Variants in MMD observed in about 807,000 individuals in gnomAD.
MMD encodes monocyte to macrophage differentiation associated, also known as monocyte to macrophage differentiation factor.
A neutral mutation model predicts 33.6 loss-of-function variants in MMD; 22 were observed. The observed-to-expected ratio is 0.66, with a 90% CI of 0.47 to 0.94. MMD has a LOEUF of 0.94. Among genes scored for constraint, MMD ranks in the 40% least tolerant of loss-of-function variants. MMD has a pLI of 0.00. For synonymous variants in MMD, 97 were observed against 103.2 expected (o/e 0.94, Z 0.36); for missense variants, 242 against 309.8 (o/e 0.78, Z 1.64).
At chr17:55,396,500 A>G (rs925479595) in intron 6 of MMD, among the ~76,000 whole-genome samples, 1 of 151,900 alleles carries the variant, frequency 6.6e-6, no homozygotes, top group African/African-American at 2.4e-5. Flanking sequence ...CCGTTTTCCA[A>G]TTTTCCCACC....
chr17:55,403,838 T>C lies in MMD; in HGVS notation c.375A>G (p.Ala125=). Residue 125 remains alanine (A), a synonymous_variant, in exon 5 of 7, where the codon GCA becomes GCG. Coordinates refer to ENST00000262065, the MANE Select transcript of MMD (RefSeq NM_012329.3). ...GCCAGATAAACCAACGCATATGAGA[T>C]GCCAGGGGTCCAAGTTCACGAAGAT... ...WLNLRELGPL[A]SHMRWFIWLM... 2 of 1,613,614 alleles carry C rather than the reference T, an allele frequency of 1.2e-6. No homozygotes were observed. Among genetic ancestry groups the C allele is most frequent in the Non-Finnish European group, 8.5e-7 (1 of 1,179,804 alleles).
At chr17:55,416,554 C>T (rs1907974911) in intron 1 of MMD, among the ~76,000 whole-genome samples, 1 of 152,140 alleles carries the variant, frequency 6.6e-6, no homozygotes, top group Non-Finnish European at 1.5e-5. Flanking sequence ...CATAATTGTT[C>T]TGCTGGGAAA....
intron 2 of MMD, among the ~76,000 whole-genome samples, chr17:55,411,983 G>A (rs1907783948): frequency 6.6e-6 from 1 of 152,116 alleles, no homozygotes; most frequent in African/African-American, 2.4e-5. Flanking sequence ...AGGCTGAGGT[G>A]GGAAGACTGC....
chr17:55,394,682 A>T, intron 6 of MMD, 148 bp from the exon 7 acceptor site: 1 of 709,392 alleles, frequency 1.4e-6, no homozygotes, highest in Non-Finnish European at 2.0e-6. Context: ...CATGAACCAA[A>T]CATAAAAAAA....
intron 3 of MMD, among the ~76,000 whole-genome samples, chr17:55,410,483 C>A (rs1907718694): frequency 1.3e-5 from 2 of 152,136 alleles, no homozygotes; most frequent in Non-Finnish European, 1.5e-5. Context: ...CCATTCCCAC[C>A]TAAATGGTGT....
intron 6 of MMD, among the ~76,000 whole-genome samples, chr17:55,398,111 CAAAAAAA>C (rs57881926): frequency 2.4e-4 from 32 of 132,130 alleles, no homozygotes; most frequent in Non-Finnish European, 3.7e-4. Flanking sequence ...ATTATTTCTT[CAAAAAAA>C]AAAAAAAAAA....
At chr17:55,408,383 A>G (rs1299524754) in intron 3 of MMD, among the ~76,000 whole-genome samples, 1 of 150,332 alleles carries the variant, frequency 6.7e-6, no homozygotes, top group Non-Finnish European at 1.5e-5. Flanking sequence ...AAACAGTAAC[A>G]AAAACAAAAA....
intron 1 of MMD, chr17:55,420,387 C>T (rs190857935): frequency 6.6e-6 from 1 of 152,296 alleles, no homozygotes; most frequent in African/African-American, 2.4e-5. Context: ...TGAAGTTCCA[C>T]TGGGGGAACA....
chr17:55,407,814 C>T lies in MMD; in HGVS notation c.276G>A (p.Val92=). 6.3e-7 allele frequency: 1 copy of T among 1,588,672 alleles called. No individual in the cohort carries two copies. Among genetic ancestry groups the T allele is most frequent in the Non-Finnish European group, 8.5e-7 (1 of 1,172,578 alleles). ...VSWKKSHLRT[V]EHCFHMCDRM... ...TATCACACATGTGAAAACAATGCTC[C>T]ACTGTCCTAGCGAGGGGGAAAAAAA... Residue 92 remains valine, a synonymous_variant, in exon 4 of 7, where the codon GTG becomes GTA. Coordinates refer to ENST00000262065, the MANE Select transcript of MMD (RefSeq NM_012329.3).
At chr17:55,394,583 G>T in intron 6 of MMD, 49 bp from the exon 7 acceptor site, 1 of 1,333,082 alleles carries the variant, frequency 7.5e-7, no homozygotes. Context: ...TACTCTGCAT[G>T]GCAAGCTACA....
intron 3 of MMD, among the ~76,000 whole-genome samples, chr17:55,409,153 T>C (rs1907667371): frequency 6.6e-6 from 1 of 152,210 alleles, no homozygotes; most frequent in Non-Finnish European, 1.5e-5. Context: ...AGCATACCCA[T>C]AGATGATACT....
intron 2 of MMD, among the ~76,000 whole-genome samples, chr17:55,411,931 G>A (rs1012398958): frequency 2.6e-5 from 4 of 152,018 alleles, no homozygotes; most frequent in South Asian, 2.1e-4. Context: ...TAAAAAATTC[G>A]CCAGGCATGG....
chr17:55,397,387 C>T lies in MMD; in HGVS notation c.517-2853G>A, dbSNP rs576622966. 6.6e-5 allele frequency among the ~76,000 whole-genome samples: 10 copies of T among 152,272 alleles called. No homozygotes were observed. In the East Asian group the frequency reaches 1.9e-3, roughly 29 times the overall value. On this transcript the variant is annotated intron_variant, in intron 6 of 6. Coordinates refer to ENST00000262065, the MANE Select transcript of MMD (RefSeq NM_012329.3). Reference sequence around the variant, plus strand: ...TGTCGGCTAGGCTGGTCTCGAACTCCTGACCTCAAGTGATCTGCCTGCCTT... The same window carrying T: ...TGTCGGCTAGGCTGGTCTCGAACTCTTGACCTCAAGTGATCTGCCTGCCTT...
At chr17:55,398,666 C>T (rs578178876) in intron 6 of MMD, among the ~76,000 whole-genome samples, 5 of 152,024 alleles carry the variant, frequency 3.3e-5, no homozygotes, top group South Asian at 4.2e-4. Context: ...TTCTGTTAGG[C>T]GGTTTATTTA....
At position 55,421,774 on chromosome 17, in the gene MMD, TG is replaced by T; in HGVS notation, c.-80del. On this transcript the variant is annotated 5_prime_UTR_variant, in exon 1 of 7. Transcript: ENST00000262065. ...GCCGGGCGCGCGGCCCTCATGGGCT[TG>T]GGCTGCTCCGGAGGCCGCCTGCGTG... 1 of 1,480,150 alleles carries T rather than the reference TG, an allele frequency of 6.8e-7. No individual in the cohort carries two copies. Among genetic ancestry groups the T allele is most frequent in the Non-Finnish European group, 9.0e-7 (1 of 1,113,072 alleles). The allele number at this position is 1,480,150 out of a possible 1,614,324, so 91.7% of individuals were successfully genotyped here.
Position 55,411,253 on chromosome 17 carries a change from G to A in MMD, c.269+4C>T, listed in dbSNP as rs1170644365. 2 of 1,611,492 alleles carry A rather than the reference G, an allele frequency of 1.2e-6. No homozygotes were observed. The highest frequency in any genetic ancestry group is 1.7e-6 in the Non-Finnish European group (2 of 1,178,914). ...CTGTTGAAACAGCATGTCATCCACT[G>A]TACCTTAAGTGGCTCTTTTTCCATG... On this transcript the variant is annotated splice_donor_region_variant and intron_variant, in intron 3 of 6. Coordinates refer to ENST00000262065, the MANE Select transcript of MMD (RefSeq NM_012329.3).
At position 55,393,311 on chromosome 17, in the gene MMD, T is replaced by G. The variant is rs1301105857; in HGVS notation, c.*1023A>C. ...CAAAGGAAAGGCAGAAATGTGAATTTATGCATCTAGTTCCACAATTTAAAA... is the reference window on the plus strand; with the variant it reads ...CAAAGGAAAGGCAGAAATGTGAATTGATGCATCTAGTTCCACAATTTAAAA... On this transcript the variant is annotated 3_prime_UTR_variant, in exon 7 of 7. Transcript: ENST00000262065. 6.6e-6 allele frequency: 1 copy of G among 150,760 alleles called. No individual in the cohort carries two copies. The highest frequency in any genetic ancestry group is 1.5e-5 in the Non-Finnish European group (1 of 67,850). The allele number at this position is 150,760 out of a possible 1,614,324, so 9.3% of individuals were successfully genotyped here. A position where few individuals can be genotyped will look rare whatever the true frequency, so the allele number is the denominator to read the frequency against.
intron 6 of MMD, among the ~76,000 whole-genome samples, chr17:55,395,493 T>G (rs567038086): frequency 6.6e-6 from 1 of 151,768 alleles, no homozygotes; most frequent in South Asian, 2.1e-4. Context: ...CCCGCAAGAG[T>G]AAAGGGAAGC....
At chr17:55,402,135 C>CG (rs925271049) in intron 5 of MMD, among the ~76,000 whole-genome samples, 1 of 151,288 alleles carries the variant, frequency 6.6e-6, no homozygotes, top group African/African-American at 2.4e-5. Flanking sequence ...ATGTTTTCTG[C>CG]CAAAAGTAGT....
Sources: allele counts gnomAD v4.1 joint callset (sites outside exome capture counted in the v4.1 genomes callset), GRCh38; gene constraint gnomAD v4.1.1; transcripts MANE v1.5; gene names NCBI Gene and HGNC (gene_info 2026-07-23, HGNC 2026-07-21).